SEC22A: variants seen among roughly 807,000 people sequenced by gnomAD.
The protein encoded by SEC22A is SEC22 homolog A, vesicle trafficking protein.
In SEC22A, 22 loss-of-function variants were observed where a neutral mutation model predicts 35.3. That is an observed-to-expected ratio of 0.62 (90% CI 0.45 to 0.89). SEC22A has a LOEUF of 0.89. SEC22A is among the 40% of genes least tolerant of loss of function. The pLI is 0.00. For missense variants in SEC22A, 354 were observed against 362.5 expected, an observed-to-expected ratio of 0.98 and a Z score of 0.19; for synonymous variants, 119 against 129.5, an observed-to-expected ratio of 0.92 and a Z score of 0.55.
At chr3:123,259,074 A>G (rs1447840986) in intron 5 of SEC22A, among the ~76,000 whole-genome samples, 3 of 152,222 alleles carry the variant, frequency 2.0e-5, no homozygotes, top group Admixed American at 2.0e-4. Context: ...TTTTAAAAAA[A>G]TCATATCAAA....
intron 4 of SEC22A, among the ~76,000 whole-genome samples, chr3:123,229,865 A>G (rs2108056132): frequency 6.9e-6 from 1 of 144,872 alleles, no homozygotes; most frequent in African/African-American, 2.6e-5. Flanking sequence ...TCATCTCAAA[A>G]AAAAAAAATA....
At chr3:123,263,529 T>G (rs1375165973) in intron 6 of SEC22A, among the ~76,000 whole-genome samples, 10 of 152,196 alleles carry the variant, frequency 6.6e-5, no homozygotes, top group Admixed American at 5.9e-4. Flanking sequence ...TTTTTGTTGT[T>G]TTTTTGGGAC....
chr3:123,264,927 G>T (rs911512185), intron 6 of SEC22A, among the ~76,000 whole-genome samples: 1 of 151,912 alleles, frequency 6.6e-6, no homozygotes, highest in African/African-American at 2.4e-5. Flanking sequence ...GATTATAAGC[G>T]TGAGCCACCG....
intron 6 of SEC22A, among the ~76,000 whole-genome samples, chr3:123,269,215 G>GTGTGTGTGTGTGTGTGTA (rs10642998): frequency 1.7e-3 from 227 of 136,870 alleles, no homozygotes; most frequent in African/African-American, 5.6e-3. Context: ...GTGTGTGTGT[G>GTGTGTGTGTGTGTGTGTA]TATATATTAC....
chr3:123,271,461 T>G (rs1938156357), intron 6 of SEC22A, 61 bp from the exon 7 acceptor site: 1 of 1,380,320 alleles, frequency 7.2e-7, no homozygotes. Flanking sequence ...AATTTTATAT[T>G]AGAAACATCT....
At chr3:123,257,524 C>G (rs7616973) in intron 5 of SEC22A, among the ~76,000 whole-genome samples, 29,875 of 151,394 alleles carry the variant, frequency 0.2, 3,045 homozygotes, top group Middle Eastern at 0.27. Context: ...TGGTGAAACT[C>G]CACTCTCTAC....
At position 123,225,581 on chromosome 3, in the gene SEC22A, G is replaced by A. The variant is rs530375154; in HGVS notation, c.541+284G>A. Among the ~76,000 whole-genome samples, 3 of 152,232 alleles carry A rather than the reference G, an allele frequency of 2.0e-5. No homozygotes were observed. The East Asian group carries it at 5.8e-4, about 29-fold the overall frequency. On this transcript the variant is annotated intron_variant, in intron 4 of 6. Transcript: ENST00000492595. ...ATTTTCATGGGTACATATTCGGTGT[G>A]TAATATATTTATGGGGTACATGAGA...
chr3:123,261,115 G>A (rs546664777), intron 6 of SEC22A, among the ~76,000 whole-genome samples: 7 of 151,884 alleles, frequency 4.6e-5, no homozygotes, highest in African/African-American at 9.7e-5. Context: ...GATTACAGGC[G>A]TGAGCCACCG....
intron 5 of SEC22A, among the ~76,000 whole-genome samples, chr3:123,250,741 G>T (rs1161501397): frequency 6.6e-6 from 1 of 152,222 alleles, no homozygotes; most frequent in East Asian, 1.9e-4. Context: ...GAGACAGCCA[G>T]ACCAGGTCCT....
chr3:123,241,002 TACACACACACACACACAC>T (rs35775511), intron 4 of SEC22A, among the ~76,000 whole-genome samples: 7 of 142,676 alleles, frequency 4.9e-5, no homozygotes, highest in South Asian at 2.3e-4. Context: ...CTCTCTTTCT[TACACACACACACACACAC>T]ACACACACAC....
intron 2 of SEC22A, among the ~76,000 whole-genome samples, chr3:123,221,086 A>G (rs370780896): frequency 1.3e-5 from 2 of 151,714 alleles, no homozygotes; most frequent in African/African-American, 4.8e-5. Flanking sequence ...CTGTGAACAT[A>G]TTTATTCTAA....
intron 4 of SEC22A, among the ~76,000 whole-genome samples, chr3:123,230,726 A>G (rs1480326560): frequency 6.7e-6 from 1 of 149,444 alleles, no homozygotes; most frequent in African/African-American, 2.5e-5. Flanking sequence ...AAAAAAGTGA[A>G]GGAGGGATAG....
At chr3:123,225,948 ACTTTT>A (rs1369001450) in intron 4 of SEC22A, among the ~76,000 whole-genome samples, 2 of 152,048 alleles carry the variant, frequency 1.3e-5, no homozygotes, top group African/African-American at 2.4e-5. Flanking sequence ...GAATATGTAA[ACTTTT>A]CTTTTCTGTG....
At chr3:123,233,991 A>G (rs1937371141) in intron 4 of SEC22A, among the ~76,000 whole-genome samples, 1 of 152,252 alleles carries the variant, frequency 6.6e-6, no homozygotes, top group Admixed American at 6.5e-5. Flanking sequence ...GAACTAATAA[A>G]TGAGTTCAGT....
chr3:123,254,753 CTTCAAG>C (rs1290368824), intron 5 of SEC22A, among the ~76,000 whole-genome samples: 1 of 151,756 alleles, frequency 6.6e-6, no homozygotes, highest in East Asian at 1.9e-4. Flanking sequence ...TTTTATTATA[CTTCAAG>C]TTCTAGGGTA....
chr3:123,261,086 C>T lies in SEC22A; in HGVS notation c.723+1497C>T, dbSNP rs553539557. On this transcript the variant is annotated intron_variant, in intron 6 of 6. Transcript: ENST00000492595. ...TCCTGACCTTGTGATCCGCCCACCTCGGCCTCCCAAAGTGCTGGGATTACA... is the reference window on the plus strand; with the variant it reads ...TCCTGACCTTGTGATCCGCCCACCTTGGCCTCCCAAAGTGCTGGGATTACA... Among the ~76,000 whole-genome samples, 26 of 151,778 alleles carry T rather than the reference C, an allele frequency of 1.7e-4. No homozygotes were observed. In the East Asian group the frequency reaches 3.1e-3, roughly 18 times the overall value.
chr3:123,262,185 A>G (rs965083768), intron 6 of SEC22A, among the ~76,000 whole-genome samples: 2 of 152,164 alleles, frequency 1.3e-5, no homozygotes, highest in Non-Finnish European at 2.9e-5. Flanking sequence ...CCATTACCAC[A>G]TGGTTTGTCA....
chr3:123,271,517 AAC>A lies in SEC22A; in HGVS notation c.724-3_724-2del. ...AATCATCTTTCATTTTTATATTTTGAACAGTGTTATTTACTTGTCTACTACAC... is the reference window on the plus strand; with the variant it reads ...AATCATCTTTCATTTTTATATTTTGAAGTGTTATTTACTTGTCTACTACAC... On this transcript the variant is annotated splice_region_variant and splice_polypyrimidine_tract_variant and intron_variant, in intron 6 of 6. Transcript: ENST00000492595. The A allele has an allele frequency of 6.2e-7, 1 of 1,609,244 alleles. No homozygotes were observed. Among genetic ancestry groups the A allele is most frequent in the Non-Finnish European group, 8.5e-7 (1 of 1,177,892 alleles).
chr3:123,205,615 G>T (rs1303293397), intron 1 of SEC22A, among the ~76,000 whole-genome samples: 2 of 152,140 alleles, frequency 1.3e-5, no homozygotes, highest in African/African-American at 4.8e-5. Context: ...TTGAACCTGG[G>T]AGGCAGAGGT....
Sources: allele counts gnomAD v4.1 joint callset (sites outside exome capture counted in the v4.1 genomes callset), GRCh38; gene constraint gnomAD v4.1.1; transcripts MANE v1.5; gene names NCBI Gene and HGNC (gene_info 2026-07-23, HGNC 2026-07-21).